Variants in RELN observed in about 807,000 individuals in gnomAD.
RELN encodes reelin.
RELN carries 108 observed loss-of-function variants against 427.6 expected under a neutral mutation model. The observed-to-expected ratio is 0.25, with a 90% CI of 0.22 to 0.30. The LOEUF is 0.30. RELN is among the 10% of genes least tolerant of loss of function. RELN has a pLI of 1.00. For missense variants in RELN, 3,715 were observed against 4,302.8 expected (o/e 0.86, Z 3.82); for synonymous variants, 1,524 against 1,513.4 (o/e 1.01, Z -0.16).
At chr7:103,593,550 TA>T (rs1831469379) in intron 27 of RELN, 131 bp downstream of exon 27, 1 of 802,116 alleles carries the variant, frequency 1.2e-6, no homozygotes, top group South Asian at 1.5e-5. Flanking sequence ...CTAACACTGT[TA>T]AGCTTTCGTA....
chr7:103,767,780 A>T (rs1323956595), intron 4 of RELN, among the ~76,000 whole-genome samples: 1 of 152,196 alleles, frequency 6.6e-6, no homozygotes, highest in Non-Finnish European at 1.5e-5. Flanking sequence ...AATTTCCCAG[A>T]TAGTCACTGG....
chr7:103,871,417 T>C (rs1794331085), intron 2 of RELN, among the ~76,000 whole-genome samples: 1 of 152,174 alleles, frequency 6.6e-6, no homozygotes, highest in African/African-American at 2.4e-5. Context: ...TTCAGTAATA[T>C]AAACACTAAA....
intron 25 of RELN, 144 bp downstream of exon 25, chr7:103,596,312 T>C: frequency 1.4e-6 from 1 of 720,430 alleles, no homozygotes; most frequent in Non-Finnish European, 2.5e-6. Flanking sequence ...AAATAAAATC[T>C]TTATATACTG....
At position 103,573,385 on chromosome 7, in the gene RELN, T is replaced by A. The variant is rs1260914603; in HGVS notation, c.4511+707A>T. Among the ~76,000 whole-genome samples the A allele has an allele frequency of 6.6e-6, 1 of 152,132 alleles. No individual in the cohort carries two copies. The highest frequency in any genetic ancestry group is 1.5e-5 in the Non-Finnish European group (1 of 68,024). On this transcript the variant is annotated intron_variant, in intron 30 of 64. Transcript: ENST00000428762. The surrounding 1 kb of genome is among the most constrained non-coding windows in gnomAD (Gnocchi z 4.4). ...CAGTACGATGTAAATTATGCCTCAG[T>A]CCATAGCGACTGACAGAGAGTACCT...
intron 3 of RELN, among the ~76,000 whole-genome samples, chr7:103,826,014 A>T (rs1419419477): frequency 6.6e-6 from 1 of 152,082 alleles, no homozygotes; most frequent in African/African-American, 2.4e-5. Context: ...CTCTGCCCTC[A>T]TGAATGGATA....
At chr7:103,656,252 T>G (rs1418729357) in intron 12 of RELN, among the ~76,000 whole-genome samples, 1 of 152,120 alleles carries the variant, frequency 6.6e-6, no homozygotes, top group Non-Finnish European at 1.5e-5. Flanking sequence ...GGAATTATGT[T>G]GTGCAAATAT....
At chr7:103,670,097 G>C (rs558350997) in intron 11 of RELN, among the ~76,000 whole-genome samples, 2 of 152,222 alleles carry the variant, frequency 1.3e-5, no homozygotes, top group South Asian at 2.1e-4. Flanking sequence ...ATAATGTAAA[G>C]AGGTGTCTTA....
At chr7:103,949,316 C>T (rs1034156546) in intron 1 of RELN, among the ~76,000 whole-genome samples, 5 of 151,848 alleles carry the variant, frequency 3.3e-5, no homozygotes, top group African/African-American at 1.2e-4. Flanking sequence ...ATGTTTGTGC[C>T]TCCACCACCA....
chr7:103,876,290 T>G (rs1394956902), intron 2 of RELN, among the ~76,000 whole-genome samples: 1 of 152,176 alleles, frequency 6.6e-6, no homozygotes, highest in Non-Finnish European at 1.5e-5. Flanking sequence ...TACAGATGTC[T>G]GTGAAAGGCC....
At chr7:103,637,532 T>G (rs1832608287) in intron 17 of RELN, among the ~76,000 whole-genome samples, 1 of 152,180 alleles carries the variant, frequency 6.6e-6, no homozygotes, top group African/African-American at 2.4e-5. Context: ...ATATTGGATT[T>G]TCTGGGGAGA....
At chr7:103,522,249 G>C (rs753718970) in intron 47 of RELN, 50 bp from the exon 48 acceptor site, 1 of 1,577,140 alleles carries the variant, frequency 6.3e-7, no homozygotes. Context: ...CAAAGCCCCT[G>C]CAAGCTTGTT....
chr7:103,787,223 T>G (rs115803032), intron 3 of RELN, among the ~76,000 whole-genome samples: 1 of 151,932 alleles, frequency 6.6e-6, no homozygotes, highest in African/African-American at 2.4e-5. Context: ...ATTCATAGCA[T>G]CAAATGCCCA....
At chr7:103,693,983 T>C (rs1336544421) in intron 10 of RELN, among the ~76,000 whole-genome samples, 1 of 152,156 alleles carries the variant, frequency 6.6e-6, no homozygotes. Flanking sequence ...AACCAGGAAC[T>C]AGAATTTTGA....
intron 10 of RELN, among the ~76,000 whole-genome samples, chr7:103,687,157 C>T (rs1273882648): frequency 1.3e-5 from 2 of 152,052 alleles, no homozygotes; most frequent in Non-Finnish European, 2.9e-5. Flanking sequence ...ATAATTATGA[C>T]AACTCTAAAA....
intron 2 of RELN, among the ~76,000 whole-genome samples, chr7:103,859,494 T>G (rs1794022598): frequency 6.6e-6 from 1 of 152,028 alleles, no homozygotes; most frequent in African/African-American, 2.4e-5. Flanking sequence ...AGGGTTTCAC[T>G]GTGTTAGCCA....
At chr7:103,492,059 A>G in intron 57 of RELN, 33 bp from the exon 58 acceptor site, 1 of 1,493,382 alleles carries the variant, frequency 6.7e-7, no homozygotes, top group South Asian at 1.1e-5. Flanking sequence ...ATACACAGGT[A>G]AGATTAGATG....
chr7:103,538,080 C>G (rs115290073), intron 45 of RELN, among the ~76,000 whole-genome samples: 1 of 152,176 alleles, frequency 6.6e-6, no homozygotes, highest in African/African-American at 2.4e-5. Context: ...TCTGTCTTCT[C>G]TTTTCCAAGT....
chr7:103,537,500 C>T (rs362710), intron 45 of RELN, among the ~76,000 whole-genome samples: 97,868 of 152,012 alleles, frequency 0.64, 32,148 homozygotes, highest in Middle Eastern at 0.74. Flanking sequence ...AGCCACTTTC[C>T]TCTTTCATAT....
intron 46 of RELN, among the ~76,000 whole-genome samples, chr7:103,534,444 T>C (rs1830006099): frequency 6.6e-6 from 1 of 152,160 alleles, no homozygotes; most frequent in Non-Finnish European, 1.5e-5. Context: ...AATTTAGATT[T>C]AACTTCTTTA....
Sources: gnomAD v4.1 joint callset for allele counts (sites outside exome capture counted in the v4.1 genomes callset) on GRCh38, gnomAD v4.1.1 for gene constraint, Gnocchi (gnomAD v3.1) non-coding constraint, MANE v1.5 for transcripts, NCBI Gene and HGNC (gene_info 2026-07-23, HGNC 2026-07-21) for gene names.